Variants in PILRA observed in about 807,000 individuals in gnomAD.
PILRA encodes paired immunoglobulin-like type 2 receptor alpha.
PILRA carries 37 observed loss-of-function variants against 33.1 expected under a neutral mutation model. The ratio of observed to expected loss-of-function variants is 1.12; its 90% CI spans 0.86 to 1.47. PILRA has a LOEUF of 1.47. PILRA is among the 40% of genes most tolerant of loss of function. The pLI is 0.00. For synonymous variants in PILRA, 146 were observed against 149.9 expected, an observed-to-expected ratio of 0.97 and a Z score of 0.19; for missense variants, 312 against 376.2, an observed-to-expected ratio of 0.83 and a Z score of 1.41.
chr7:100,380,823 T>G (rs1015678755), intron 2 of PILRA, among the ~76,000 whole-genome samples: 3 of 151,966 alleles, frequency 2.0e-5, no homozygotes, highest in Non-Finnish European at 4.4e-5. Flanking sequence ...ACAAAAAAAT[T>G]AGCCAGGTGT....
chr7:100,388,904 A>G (rs1338979168), intron 2 of PILRA, among the ~76,000 whole-genome samples: 1 of 152,122 alleles, frequency 6.6e-6, no homozygotes, highest in Non-Finnish European at 1.5e-5. Context: ...TAACACGTGA[A>G]ATGTTTCCAT....
At chr7:100,384,755 T>G (rs1027847505) in intron 2 of PILRA, among the ~76,000 whole-genome samples, 21 of 152,134 alleles carry the variant, frequency 1.4e-4, no homozygotes, top group Admixed American at 2.0e-4. Context: ...ACTATTGCGT[T>G]CCAGCTTGGG....
In PILRA at chr7:100,374,049, T is replaced by G. The variant is rs748777583; in HGVS notation, c.70T>G (p.Ser24Ala). The G allele has an allele frequency of 1.9e-6, 3 of 1,613,530 alleles. No individual in the cohort carries two copies. The Middle Eastern group carries it at 5.0e-4, about 266-fold the overall frequency. The part of the protein sequence containing the change: ...LPPAFLQPSG[S>A]TGSGPSYLYG... ...TCACTCCCTCCCTCCTCTAGGTGGC[T>G]CCACAGGATCTGGTCCAAGCTACCT... is the stretch of plus-strand genomic sequence containing the variant. The change falls in exon 2 of 7, where the codon TCC (serine) becomes GCC (alanine). Residue 24 changes from serine to alanine, a missense_variant. Physicochemically the swap from Ser to Ala is moderately conservative, Grantham distance 99 (BLOSUM62 1). Transcript: ENST00000198536.
In PILRA at chr7:100,374,034, C is replaced by T. The variant is rs373805095; in HGVS notation, c.65-10C>T. On this transcript the variant is annotated splice_polypyrimidine_tract_variant and intron_variant, in intron 1 of 6. Coordinates refer to ENST00000198536, the MANE Select transcript of PILRA (RefSeq NM_013439.3). ...AGGTCTCTCCCCTACTCACTCCCTC[C>T]CTCCTCTAGGTGGCTCCACAGGATC... The T allele has an allele frequency of 2.5e-6, 4 of 1,611,994 alleles. No individual in the cohort carries two copies. The highest frequency in any genetic ancestry group is 3.4e-6 in the Non-Finnish European group (4 of 1,178,520).
chr7:100,397,964 G>A (rs751935651), intron 4 of PILRA, 52 bp downstream of exon 4: 9 of 1,567,064 alleles, frequency 5.7e-6, no homozygotes, highest in Non-Finnish European at 5.3e-6. Context: ...TGCAGGCAGT[G>A]GGCTGATTTG....
At chr7:100,397,391 G>A (rs1277178139) in intron 3 of PILRA, among the ~76,000 whole-genome samples, 1 of 151,682 alleles carries the variant, frequency 6.6e-6, no homozygotes, top group African/African-American at 2.4e-5. Flanking sequence ...GGGAAGCCTA[G>A]TGGTGGCAAC....
intron 2 of PILRA, among the ~76,000 whole-genome samples, chr7:100,384,363 T>G (rs1791207530): frequency 1.3e-5 from 2 of 148,190 alleles, no homozygotes; most frequent in African/African-American, 5.0e-5. Flanking sequence ...TGGCTGGATA[T>G]ATCAACTTGG....
At chr7:100,393,722 T>C (rs1791436268) in intron 3 of PILRA, among the ~76,000 whole-genome samples, 1 of 152,110 alleles carries the variant, frequency 6.6e-6, no homozygotes, top group Admixed American at 6.6e-5. Flanking sequence ...GCCCTGATGC[T>C]GGCTTCTGTC....
chr7:100,390,075 G>T lies in PILRA; in HGVS notation c.642G>T (p.Leu214=), dbSNP rs1791354387. Residue 214 remains leucine, a synonymous_variant, in exon 3 of 7, where the codon CTG becomes CTT. Coordinates refer to ENST00000198536, the MANE Select transcript of PILRA (RefSeq NM_013439.3). ...TGCTCGGAATCATGATTTTGGGACT[G>T]ATCTGCCTCCTCAGGTGGAGGAGAA... is the stretch of plus-strand genomic sequence containing the variant. ...VTVLGIMILG[L]ICLLRWRRRK... 3.1e-6 allele frequency: 5 copies of T among 1,613,936 alleles called. No homozygotes were observed. The highest frequency in any genetic ancestry group is 4.2e-6 in the Non-Finnish European group (5 of 1,179,988).
chr7:100,399,524 T>C, intron 5 of PILRA, 57 bp from the exon 6 acceptor site: 3 of 1,602,370 alleles, frequency 1.9e-6, no homozygotes, highest in Non-Finnish European at 8.6e-7. Context: ...CCTGCCCATC[T>C]CTCTCCCCTG....
At chr7:100,387,138 GA>G (rs937765008) in intron 2 of PILRA, among the ~76,000 whole-genome samples, 3 of 152,200 alleles carry the variant, frequency 2.0e-5, no homozygotes, top group Non-Finnish European at 4.4e-5. Context: ...CGATGACCTT[GA>G]GCAGTAGGAT....
At chr7:100,398,164 T>C (rs1791538966) in intron 4 of PILRA, among the ~76,000 whole-genome samples, 2 of 152,198 alleles carry the variant, frequency 1.3e-5, no homozygotes, top group South Asian at 4.1e-4. Context: ...GAATCTCTTT[T>C]CTGGAGTGCC....
Position 100,400,001 on chromosome 7 carries a change from A to G in PILRA, c.*94A>G. 7.5e-7 allele frequency: 1 copy of G among 1,340,088 alleles called. No homozygotes were observed. The highest frequency in any genetic ancestry group is 9.9e-7 in the Non-Finnish European group (1 of 1,008,872). The allele number at this position is 1,340,088 out of a possible 1,614,324, so 83.0% of individuals were successfully genotyped here. A position where few individuals can be genotyped will look rare whatever the true frequency, so the allele number is the denominator to read the frequency against. On this transcript the variant is annotated 3_prime_UTR_variant, in exon 7 of 7. Coordinates refer to ENST00000198536, the MANE Select transcript of PILRA (RefSeq NM_013439.3). Reference sequence around the variant, plus strand: ...TACTCTGAAGCCTGAGGCAGAATCAAGTGAGCCCAGGAGTTCAGGGCCAGC... The same window carrying G: ...TACTCTGAAGCCTGAGGCAGAATCAGGTGAGCCCAGGAGTTCAGGGCCAGC...
Position 100,374,031 on chromosome 7 carries a change from C to T in PILRA, c.65-13C>T. 1 of 1,611,792 alleles carries T rather than the reference C, an allele frequency of 6.2e-7. No individual in the cohort carries two copies. On this transcript the variant is annotated splice_polypyrimidine_tract_variant and intron_variant, in intron 1 of 6. Transcript: ENST00000198536. ...TCAAGGTCTCTCCCCTACTCACTCCCTCCCTCCTCTAGGTGGCTCCACAGG... is the reference window on the plus strand; with the variant it reads ...TCAAGGTCTCTCCCCTACTCACTCCTTCCCTCCTCTAGGTGGCTCCACAGG...
chr7:100,381,626 C>T (rs1791096023), intron 2 of PILRA, among the ~76,000 whole-genome samples: 1 of 152,358 alleles, frequency 6.6e-6, no homozygotes, highest in Admixed American at 6.5e-5. Context: ...CCCACTCTGG[C>T]CGCACTTGAA....
At chr7:100,386,111 C>T (rs1445881501) in intron 2 of PILRA, among the ~76,000 whole-genome samples, 3 of 152,004 alleles carry the variant, frequency 2.0e-5, no homozygotes, top group African/African-American at 7.2e-5. Flanking sequence ...TGTAGTTTCA[C>T]CAAGTTGGCC....
At chr7:100,372,664 C>T (rs1408669129), upstream of PILRA, among the ~76,000 whole-genome samples, 3 of 152,182 alleles carry the variant, frequency 2.0e-5, no homozygotes, top group East Asian at 5.8e-4. Context: ...TCTGGATCAG[C>T]CAAGGGCTCA....
At chr7:100,376,385 C>T (rs1790947317) in intron 2 of PILRA, 1 of 151,228 alleles carries the variant, frequency 6.6e-6, no homozygotes, top group African/African-American at 2.4e-5. Flanking sequence ...TTGTTTTTTT[C>T]ACTAATAAAT....
At chr7:100,399,729 G>A in intron 6 of PILRA, 56 bp from the exon 7 acceptor site, 2 of 1,612,380 alleles carry the variant, frequency 1.2e-6, no homozygotes, top group East Asian at 2.2e-5. Context: ...TTGCCGCTAA[G>A]ATGGGAACAG....
Sources: gnomAD v4.1 joint callset for allele counts (sites outside exome capture counted in the v4.1 genomes callset) on GRCh38, gnomAD v4.1.1 for gene constraint, MANE v1.5 for transcripts, NCBI Gene and HGNC (gene_info 2026-07-23, HGNC 2026-07-21) for gene names.